The following DCBLD1 variants were observed in gnomAD, a reference collection of about 807,000 sequenced individuals.
DCBLD1 encodes discoidin, CUB and LCCL domain containing 1.
DCBLD1 carries 57 observed loss-of-function variants against 71.5 expected under a neutral mutation model. The observed-to-expected ratio is 0.80, with a 90% CI of 0.64 to 0.99. DCBLD1 has a LOEUF of 0.99. Among genes scored for constraint, DCBLD1 ranks in the 50% least tolerant of loss-of-function variants. The pLI, the probability that DCBLD1 is intolerant of heterozygous loss-of-function variation, is 0.00. For missense variants in DCBLD1, 891 were observed against 923.5 expected (o/e 0.96, Z 0.46); for synonymous variants, 380 against 363.8 (o/e 1.04, Z -0.51).
chr6:117,566,451 A>G (rs1237866089), intron 14 of DCBLD1, among the ~76,000 whole-genome samples: 1 of 152,206 alleles, frequency 6.6e-6, no homozygotes. Context: ...TCATAAGGTG[A>G]CAGTATACTT....
At chr6:117,530,585 C>G (rs1457113274) in intron 5 of DCBLD1, among the ~76,000 whole-genome samples, 6 of 152,298 alleles carry the variant, frequency 3.9e-5, no homozygotes, top group African/African-American at 7.2e-5. Flanking sequence ...TAGACAACAT[C>G]CAGTCCAGGC....
At chr6:117,487,589 AC>A (rs1460734490) in intron 1 of DCBLD1, among the ~76,000 whole-genome samples, 3 of 152,164 alleles carry the variant, frequency 2.0e-5, no homozygotes, top group African/African-American at 7.2e-5. Context: ...GAGCCACTGT[AC>A]TCCAGCCTGG....
At chr6:117,547,260 C>T (rs1003198665) in intron 14 of DCBLD1, among the ~76,000 whole-genome samples, 2 of 152,186 alleles carry the variant, frequency 1.3e-5, no homozygotes, top group African/African-American at 2.4e-5. Context: ...GATGTGCGTT[C>T]GAATCCTACT....
At chr6:117,502,264 A>G (rs926659456) in intron 1 of DCBLD1, among the ~76,000 whole-genome samples, 1 of 152,190 alleles carries the variant, frequency 6.6e-6, no homozygotes, top group African/African-American at 2.4e-5. Context: ...TAGTAGTTTT[A>G]TCTTGGCTGT....
intron 1 of DCBLD1, among the ~76,000 whole-genome samples, chr6:117,497,961 A>G (rs945979255): frequency 3.3e-5 from 5 of 152,234 alleles, no homozygotes; most frequent in Non-Finnish European, 7.3e-5. Context: ...TTACACATCT[A>G]TGTGTGTACA....
At position 117,503,749 on chromosome 6, in the gene DCBLD1, C is replaced by T. The variant is rs531612577; in HGVS notation, c.113-18C>T. 1.9e-6 allele frequency: 3 copies of T among 1,613,320 alleles called. No homozygotes were observed. In the Admixed American group the frequency reaches 5.0e-5, roughly 27 times the overall value. On this transcript the variant is annotated intron_variant, in intron 1 of 14. Transcript: ENST00000338728. ...TGACCCCTTCTTCTTTTATTCCCCCCTTCTTTTTCTTTACCAGGTGATGGC... is the reference window on the plus strand; with the variant it reads ...TGACCCCTTCTTCTTTTATTCCCCCTTTCTTTTTCTTTACCAGGTGATGGC...
At chr6:117,528,075 T>C (rs1778599744) in intron 5 of DCBLD1, among the ~76,000 whole-genome samples, 1 of 152,100 alleles carries the variant, frequency 6.6e-6, no homozygotes, top group African/African-American at 2.4e-5. Context: ...TACTGTAAAA[T>C]AGAGACAGTA....
At chr6:117,540,865 T>G in intron 10 of DCBLD1, 50 bp downstream of exon 10, 1 of 1,614,160 alleles carries the variant, frequency 6.2e-7, no homozygotes, top group Non-Finnish European at 8.5e-7. Context: ...TCATATTTTT[T>G]TTCGCCTATC....
intron 14 of DCBLD1, among the ~76,000 whole-genome samples, chr6:117,566,142 A>C (rs1325193765): frequency 6.6e-6 from 1 of 152,206 alleles, no homozygotes; most frequent in Non-Finnish European, 1.5e-5. Context: ...TGCCTTGATT[A>C]GTGCTAAGGC....
Position 117,541,027 on chromosome 6 carries a change from T to C in DCBLD1, c.1357+2T>C. 1.2e-6 allele frequency: 2 copies of C among 1,614,034 alleles called. No individual in the cohort carries two copies. The highest frequency in any genetic ancestry group is 8.5e-7 in the Non-Finnish European group (1 of 1,179,918). On this transcript the variant is annotated splice_donor_variant, in intron 11 of 14. Coordinates refer to ENST00000338728, the MANE Select transcript of DCBLD1 (RefSeq NM_001366458.2). LOFTEE classifies it high-confidence loss of function. ...TCCCCTCGGAAGAAACATCCACAGG[T>C]AGAGCCGTGATTGTCTGTGGTTTCA...
chr6:117,530,693 A>C (rs1778687977), intron 5 of DCBLD1, among the ~76,000 whole-genome samples: 2 of 152,182 alleles, frequency 1.3e-5, no homozygotes, highest in Non-Finnish European at 2.9e-5. Context: ...TGACAAGATA[A>C]ATTGCTAAAT....
At chr6:117,557,411 TAAATA>T (rs2114590181) in intron 14 of DCBLD1, among the ~76,000 whole-genome samples, 2 of 152,324 alleles carry the variant, frequency 1.3e-5, no homozygotes, top group South Asian at 4.1e-4. Context: ...TTTTCCAATT[TAAATA>T]AAATGTTTTC....
At chr6:117,483,701 C>A (rs1389689591) in intron 1 of DCBLD1, among the ~76,000 whole-genome samples, 2 of 146,578 alleles carry the variant, frequency 1.4e-5, no homozygotes, top group African/African-American at 5.0e-5. Context: ...TTAATTAGTG[C>A]TTTTTTTTTT....
intron 1 of DCBLD1, among the ~76,000 whole-genome samples, chr6:117,494,060 T>C (rs768819431): frequency 6.6e-6 from 1 of 152,208 alleles, no homozygotes; most frequent in Non-Finnish European, 1.5e-5. Flanking sequence ...TAAGGTAATA[T>C]GAAGTCCTTA....
Position 117,525,373 on chromosome 6 carries a change from C to T in DCBLD1, c.524C>T (p.Pro175Leu). 2 of 1,472,272 alleles carry T rather than the reference C, an allele frequency of 1.4e-6. No homozygotes were observed. The highest frequency in any genetic ancestry group is 1.8e-6 in the Non-Finnish European group (2 of 1,110,940). 91.2% of individuals were successfully genotyped at this position (1,472,272 alleles called of 1,614,324 possible). ...TTTTCTTTTTCCAGCAAATTCTGCCCAGCTGGTTGTAGAGACGTAGCAGGA... is the reference window on the plus strand; with the variant it reads ...TTTTCTTTTTCCAGCAAATTCTGCCTAGCTGGTTGTAGAGACGTAGCAGGA... ...YLKTEYSKFCPAGCRDVAGDI... is the reference protein window; with the variant it reads ...YLKTEYSKFCLAGCRDVAGDI... Residue 175 changes from proline to leucine, a missense_variant, in exon 5 of 15, where the codon CCA (proline) becomes CTA (leucine). Transcript: ENST00000338728.
At chr6:117,542,021 A>G (rs1199677598) in intron 11 of DCBLD1, among the ~76,000 whole-genome samples, 1 of 152,170 alleles carries the variant, frequency 6.6e-6, no homozygotes. Context: ...TACCGGGCAC[A>G]TTGGCTCATG....
chr6:117,539,057 G>T, intron 8 of DCBLD1, 198 bp from the exon 9 acceptor site: 1 of 697,752 alleles, frequency 1.4e-6, no homozygotes, highest in East Asian at 2.8e-5. Context: ...TTCTTCAATG[G>T]TGAAATCTTT....
At chr6:117,531,012 T>C (rs1019803707) in intron 5 of DCBLD1, among the ~76,000 whole-genome samples, 5 of 152,306 alleles carry the variant, frequency 3.3e-5, no homozygotes, top group Non-Finnish European at 5.9e-5. Context: ...ATAGCAGTTA[T>C]TGCAAAACTG....
In DCBLD1 at chr6:117,489,667, A is replaced by G. The variant is rs186339392; in HGVS notation, c.112+6774A>G. On this transcript the variant is annotated intron_variant, in intron 1 of 14. Transcript: ENST00000338728. ...TGGGAGGCCGAGGCGGGTGGATCAC[A>G]AGGTCAGGAGATCAAGACCATCATG... 1.6e-3 allele frequency among the ~76,000 whole-genome samples: 251 copies of G among 152,138 alleles called. 2 individuals carry two copies. Among genetic ancestry groups the G allele is most frequent in the African/African-American group, 5.7e-3 (235 of 41,508 alleles).
Sources: gnomAD v4.1 joint callset for allele counts (sites outside exome capture counted in the v4.1 genomes callset) on GRCh38, gnomAD v4.1.1 for gene constraint, MANE v1.5 for transcripts, NCBI Gene and HGNC (gene_info 2026-07-23, HGNC 2026-07-21) for gene names.